DLGAP1: variants seen among roughly 807,000 people sequenced by gnomAD.
DLGAP1 encodes DLG associated protein 1.
DLGAP1 carries 11 observed loss-of-function variants against 90.8 expected under a neutral mutation model. The ratio of observed to expected loss-of-function variants is 0.12; its 90% CI spans 0.08 to 0.20. DLGAP1 has a LOEUF of 0.20. DLGAP1 is among the 10% of genes least tolerant of loss of function. DLGAP1 has a pLI of 1.00. For missense variants in DLGAP1, 1,050 were observed against 1,333.8 expected, an observed-to-expected ratio of 0.79 and a Z score of 3.31; for synonymous variants, 558 against 540.7, an observed-to-expected ratio of 1.03 and a Z score of -0.44.
chr18:4,370,254 C>T (rs2081887113), intron 1 of DLGAP1, among the ~76,000 whole-genome samples: 1 of 152,058 alleles, frequency 6.6e-6, no homozygotes, highest in East Asian at 1.9e-4. Flanking sequence ...AAAACAGATC[C>T]AGATCAGGGC....
intron 5 of DLGAP1, among the ~76,000 whole-genome samples, chr18:3,784,843 G>A (rs1223305257): frequency 6.6e-6 from 1 of 152,138 alleles, no homozygotes; most frequent in East Asian, 1.9e-4. Context: ...AGGTGACAGG[G>A]CTCTGGCTGC....
intron 2 of DLGAP1, among the ~76,000 whole-genome samples, chr18:4,010,923 C>T (rs1265344850): frequency 6.6e-6 from 1 of 151,830 alleles, no homozygotes; most frequent in Non-Finnish European, 1.5e-5. Context: ...CACCTGTAAT[C>T]CCAGCACTTT....
intron 7 of DLGAP1, among the ~76,000 whole-genome samples, chr18:3,635,374 G>A (rs2058678326): frequency 6.6e-6 from 1 of 151,586 alleles, no homozygotes; most frequent in Non-Finnish European, 1.5e-5. Context: ...CTGACCTTGT[G>A]ATCCTCCCAC....
chr18:3,744,691 G>A (rs1175184816), intron 5 of DLGAP1, among the ~76,000 whole-genome samples: 1 of 151,944 alleles, frequency 6.6e-6, no homozygotes, highest in Non-Finnish European at 1.5e-5. Flanking sequence ...AATGACACAC[G>A]CACGCCACCG....
intron 2 of DLGAP1, among the ~76,000 whole-genome samples, chr18:4,114,907 G>A (rs2076036065): frequency 6.6e-6 from 1 of 152,012 alleles, no homozygotes; most frequent in Non-Finnish European, 1.5e-5. Flanking sequence ...CAGTCTGATA[G>A]TCTCTGCCTT....
intron 4 of DLGAP1, among the ~76,000 whole-genome samples, chr18:3,873,095 TG>T (rs2070853377): frequency 1.3e-5 from 2 of 152,248 alleles, no homozygotes. Flanking sequence ...TATATATTTT[TG>T]ATCTTCCCTT....
In DLGAP1 at chr18:4,343,391, C is replaced by G. The variant is rs560324209; in HGVS notation, c.-267+111615G>C. ...AGATAAGCCTGAGTACAAATCCAGACAAGTTATACAGAGTGAGTTGTGGAT... is the reference window on the plus strand; with the variant it reads ...AGATAAGCCTGAGTACAAATCCAGAGAAGTTATACAGAGTGAGTTGTGGAT... On this transcript the variant is annotated intron_variant, in intron 1 of 12. Coordinates refer to ENST00000315677, the MANE Select transcript of DLGAP1 (RefSeq NM_004746.4). 1.6e-4 allele frequency among the ~76,000 whole-genome samples: 24 copies of G among 151,492 alleles called. No homozygotes were observed. In the South Asian group the frequency reaches 3.4e-3, roughly 21 times the overall value.
At chr18:4,335,348 C>T (rs543250468) in intron 1 of DLGAP1, among the ~76,000 whole-genome samples, 7 of 151,930 alleles carry the variant, frequency 4.6e-5, no homozygotes, top group East Asian at 1.9e-4. Flanking sequence ...ATCCACTACA[C>T]GAGAGAAAAG....
At chr18:3,967,279 C>G (rs2073350656) in intron 3 of DLGAP1, among the ~76,000 whole-genome samples, 1 of 152,212 alleles carries the variant, frequency 6.6e-6, no homozygotes, top group South Asian at 2.1e-4. Flanking sequence ...GTGGTAGGCA[C>G]TGAGCGAATC....
chr18:3,830,899 G>A lies in DLGAP1; in HGVS notation c.958-16626C>T, dbSNP rs771434688. 5.3e-5 allele frequency among the ~76,000 whole-genome samples: 8 copies of A among 152,304 alleles called. No homozygotes were observed. In the East Asian group the frequency reaches 5.8e-4, roughly 11 times the overall value. On this transcript the variant is annotated intron_variant, in intron 4 of 12. Transcript: ENST00000315677. ...ATAAAAGAAAACAACATATTGTAAA[G>A]TAAAAGTGCTCATGAAATCTCTAAT...
intron 5 of DLGAP1, among the ~76,000 whole-genome samples, chr18:3,798,593 C>T (rs2066129983): frequency 6.6e-6 from 1 of 152,130 alleles, no homozygotes; most frequent in South Asian, 2.1e-4. Flanking sequence ...TGGTTGAGTA[C>T]CCTGGTCTCT....
intron 3 of DLGAP1, among the ~76,000 whole-genome samples, chr18:3,899,104 A>G (rs189853772): frequency 2.1e-4 from 32 of 152,278 alleles, no homozygotes; most frequent in Non-Finnish European, 4.3e-4. Flanking sequence ...CACTACACTT[A>G]TGAGCAAAGA....
At chr18:3,522,135 C>CTTTTTT (rs11374414) in intron 10 of DLGAP1, among the ~76,000 whole-genome samples, 2 of 98,244 alleles carry the variant, frequency 2.0e-5, no homozygotes, top group Non-Finnish European at 3.8e-5. Flanking sequence ...TTCTTTCTTG[C>CTTTTTT]TTTTTTTTTT....
chr18:4,294,106 A>G (rs1290607787), intron 1 of DLGAP1: 1 of 152,142 alleles, frequency 6.6e-6, no homozygotes, highest in East Asian at 1.9e-4. Context: ...TCCAGAATCT[A>G]TCTTGGTATG....
At chr18:4,245,496 GAAACA>G (rs1282359533) in intron 1 of DLGAP1, among the ~76,000 whole-genome samples, 1 of 152,238 alleles carries the variant, frequency 6.6e-6, no homozygotes, top group African/African-American at 2.4e-5. Context: ...TTTTTTAAAT[GAAACA>G]AAACAAACAT....
intron 3 of DLGAP1, among the ~76,000 whole-genome samples, chr18:3,881,433 T>A (rs139336443): frequency 4.6e-5 from 7 of 152,302 alleles, no homozygotes; most frequent in Non-Finnish European, 1.0e-4. Flanking sequence ...TCCTCTCTTG[T>A]GTTTCCACCA....
At chr18:3,758,712 C>T (rs554322898) in intron 5 of DLGAP1, among the ~76,000 whole-genome samples, 2 of 152,328 alleles carry the variant, frequency 1.3e-5, no homozygotes, top group African/African-American at 2.4e-5. Flanking sequence ...CCAGCATAAG[C>T]GTCATGCATA....
At chr18:4,407,858 CTCTA>C (rs1440904895) in intron 1 of DLGAP1, among the ~76,000 whole-genome samples, 7 of 126,046 alleles carry the variant, frequency 5.6e-5, no homozygotes, top group Non-Finnish European at 1.0e-4. Context: ...GAGACTCAGT[CTCTA>C]AATAAATAAA....
At chr18:3,737,406 A>G (rs2062693505) in intron 6 of DLGAP1, among the ~76,000 whole-genome samples, 1 of 144,490 alleles carries the variant, frequency 6.9e-6, no homozygotes, top group Non-Finnish European at 1.5e-5. Context: ...CCAGCAGCAC[A>G]TCAAAAAGCT....
Sources: gnomAD v4.1 joint callset for allele counts (sites outside exome capture counted in the v4.1 genomes callset) on GRCh38, gnomAD v4.1.1 for gene constraint, MANE v1.5 for transcripts, NCBI Gene and HGNC (gene_info 2026-07-23, HGNC 2026-07-21) for gene names.